Variants in INPP5D observed in about 807,000 individuals in gnomAD.
INPP5D encodes the protein inositol polyphosphate-5-phosphatase D, also known as phosphatidylinositol 3,4,5-trisphosphate 5-phosphatase 1.
In INPP5D, 33 loss-of-function variants were observed where a neutral mutation model predicts 122.9. That is an observed-to-expected ratio of 0.27 (90% CI 0.20 to 0.36). The LOEUF (loss-of-function observed/expected upper bound fraction) is 0.36, where lower values mean the gene tolerates loss of function less well. Among genes scored for constraint, INPP5D ranks in the 10% least tolerant of loss-of-function variants. The pLI, the probability that INPP5D is intolerant of heterozygous loss-of-function variation, is 1.00. For synonymous variants in INPP5D, 584 were observed against 576.2 expected (o/e 1.01, Z -0.19); for missense variants, 1,053 against 1,412.7 (o/e 0.75, Z 4.08).
At chr2:233,127,914 A>G (rs1693210758) in intron 4 of INPP5D, among the ~76,000 whole-genome samples, 1 of 152,184 alleles carries the variant, frequency 6.6e-6, no homozygotes, top group African/African-American at 2.4e-5. Context: ...AGCCTACCAC[A>G]AACATTTTAA....
rs141495311 is a variant in INPP5D, at chr2:233,095,248, T to A, written c.198+15850T>A. 4.6e-5 allele frequency among the ~76,000 whole-genome samples: 7 copies of A among 152,340 alleles called. No individual in the cohort carries two copies. The East Asian group carries it at 1.3e-3, about 29-fold the overall frequency. On this transcript the variant is annotated intron_variant, in intron 2 of 26. Transcript: ENST00000445964. ...AAGGGATAGATTATATACACAAGAT[T>A]GCACATACATAAGAGTGTTGAGATA...
rs1443445489 is a variant in INPP5D at position 233,100,069 on chromosome 2, G to A, written c.198+20671G>A. Among the ~76,000 whole-genome samples, 7 of 152,184 alleles carry A rather than the reference G, an allele frequency of 4.6e-5. No homozygotes were observed. Among genetic ancestry groups the A allele is most frequent in the South Asian group, 4.1e-4 (2 of 4,820 alleles). The stretch of plus-strand genomic sequence containing the variant: ...TCACCTCCCACCGGGTTCCTCCCAC[G>A]ACACGTGGGAATTGTGGGAGTTACA... On this transcript the variant is annotated intron_variant, in intron 2 of 26. Coordinates refer to ENST00000445964, the MANE Select transcript of INPP5D (RefSeq NM_001017915.3). The surrounding 1 kb of genome is among the most constrained non-coding windows in gnomAD (Gnocchi z 5.3).
chr2:233,204,321 G>GCCCAGCATC lies in INPP5D; in HGVS notation c.3172_3180dup (p.Pro1058_Ile1060dup). 1 of 1,611,670 alleles carries GCCCAGCATC rather than the reference G, an allele frequency of 6.2e-7. No homozygotes were observed. Among genetic ancestry groups the GCCCAGCATC allele is most frequent in the African/African-American group, 1.3e-5 (1 of 75,030 alleles). ...CCTGCCCGGAACCCGGCATCTTGTC[G>GCCCAGCATC]CCCAGCATCGTGCTCACCAAAGCCC... is the stretch of plus-strand genomic sequence containing the variant. On this transcript the variant is annotated inframe_insertion, in exon 26 of 27. Transcript: ENST00000445964.
At chr2:233,097,379 A>G (rs4973606) in intron 2 of INPP5D, among the ~76,000 whole-genome samples, 107,195 of 152,080 alleles carry the variant, frequency 0.7, 37,997 homozygotes, top group Middle Eastern at 0.8. Flanking sequence ...AATCCCAGTT[A>G]GAATTTTGTG....
chr2:233,146,072 G>A (rs978630117), intron 6 of INPP5D, 90 bp from the exon 7 acceptor site: 2 of 703,904 alleles, frequency 2.8e-6, no homozygotes, highest in Non-Finnish European at 5.2e-6. Flanking sequence ...AGGCTGGAAT[G>A]GGGTGAGGTG....
At chr2:233,173,164 G>A (rs552100727) in intron 17 of INPP5D, among the ~76,000 whole-genome samples, 4 of 151,038 alleles carry the variant, frequency 2.6e-5, no homozygotes, top group East Asian at 1.9e-4. Flanking sequence ...AGCCGAGATC[G>A]CGCCATTGCA....
intron 2 of INPP5D, among the ~76,000 whole-genome samples, chr2:233,089,831 G>A (rs1691945217): frequency 6.6e-6 from 1 of 152,214 alleles, no homozygotes; most frequent in Non-Finnish European, 1.5e-5. Context: ...ATTAGACTCT[G>A]AACCCCAGAT....
chr2:233,167,876 G>C (rs1412734807), intron 13 of INPP5D, among the ~76,000 whole-genome samples: 2 of 151,712 alleles, frequency 1.3e-5, no homozygotes, highest in African/African-American at 2.4e-5. Context: ...GTGGTGGTGG[G>C]TGCCTGTAGT....
chr2:233,061,084 T>C (rs1456671944), intron 1 of INPP5D, among the ~76,000 whole-genome samples: 1 of 152,112 alleles, frequency 6.6e-6, no homozygotes, highest in East Asian at 1.9e-4. Flanking sequence ...GCCAAGAATA[T>C]GGGGTGAGTT....
chr2:233,142,801 C>T (rs1439324262), intron 6 of INPP5D, among the ~76,000 whole-genome samples: 1 of 152,126 alleles, frequency 6.6e-6, no homozygotes, highest in African/African-American at 2.4e-5. Flanking sequence ...GACCAGTCTA[C>T]CCTTTAACAG....
At chr2:233,072,669 T>TC (rs1325158172) in intron 1 of INPP5D, among the ~76,000 whole-genome samples, 1 of 152,264 alleles carries the variant, frequency 6.6e-6, no homozygotes, top group Non-Finnish European at 1.5e-5. Flanking sequence ...GTTTTCTATT[T>TC]CCTCCCATGT....
In INPP5D at chr2:233,204,661, G is replaced by A. The variant is rs1228034383; in HGVS notation, c.3511G>A (p.Gly1171Ser). Residue 1171 changes from glycine to serine, a missense_variant, in exon 26 of 27, where the codon GGC becomes AGC. This residue lies in a region of INPP5D where 417 missense variants were observed against 425.8 expected (regional missense o/e 0.98). Transcript: ENST00000445964. ...CGACAACACCGAGCTCCCGCATCAC[G>A]GCAAGCACCGGCCGGAGGAGGGGCC... ...YRDNTELPHH[G>S]KHRPEEGPPG... 9 of 1,577,896 alleles carry A rather than the reference G, an allele frequency of 5.7e-6. No individual in the cohort carries two copies. In the Admixed American group the frequency reaches 1.2e-4, roughly 22 times the overall value.
At position 233,204,206 on chromosome 2, in the gene INPP5D, A is replaced by G; in HGVS notation, c.3056A>G (p.Asn1019Ser). 6.2e-7 allele frequency: 1 copy of G among 1,612,402 alleles called. No homozygotes were observed. The highest frequency in any genetic ancestry group is 8.5e-7 in the Non-Finnish European group (1 of 1,179,480). ...CTGACGAAGCCCGAGATGTTTGAGA[A>G]CCCCCTGTATGGGTCCCTGAGTTCC... ...LPLTKPEMFE[N>S]PLYGSLSSFP... is the part of the protein sequence containing the mutation. Residue 1019 changes from asparagine to serine, a missense_variant, in exon 26 of 27, where the codon AAC (asparagine) becomes AGC (serine). By Grantham distance (46) the Asn-to-Ser change is conservative. Transcript: ENST00000445964.
chr2:233,071,203 T>G (rs1691377106), intron 1 of INPP5D, among the ~76,000 whole-genome samples: 1 of 152,012 alleles, frequency 6.6e-6, no homozygotes, highest in Non-Finnish European at 1.5e-5. Context: ...GTGGGAGAAT[T>G]GTTAGAACCC....
intron 9 of INPP5D, among the ~76,000 whole-genome samples, chr2:233,152,352 T>C (rs1693943868): frequency 6.6e-6 from 1 of 152,170 alleles, no homozygotes; most frequent in Non-Finnish European, 1.5e-5. Flanking sequence ...CTTCTACACA[T>C]AGGAACAGCC....
chr2:233,075,329 A>G (rs1691491317), intron 1 of INPP5D, among the ~76,000 whole-genome samples: 1 of 152,214 alleles, frequency 6.6e-6, no homozygotes, highest in South Asian at 2.1e-4. Context: ...GCTGAGAGCC[A>G]GTGTTAGCGT....
At chr2:233,064,490 A>G (rs1691157276) in intron 1 of INPP5D, among the ~76,000 whole-genome samples, 1 of 152,246 alleles carries the variant, frequency 6.6e-6, no homozygotes, top group South Asian at 2.1e-4. Flanking sequence ...AACAGCAGGC[A>G]ACTTCCAAAG....
rs1695492671 is a variant in INPP5D, at chr2:233,206,061, AGAGT to A, written c.3568-641_3568-638del. On this transcript the variant is annotated intron_variant, in intron 26 of 26. Transcript: ENST00000445964. The surrounding 1 kb of genome is among the most constrained non-coding windows in gnomAD (Gnocchi z 4.0). The stretch of plus-strand genomic sequence containing the variant: ...AACACTGCACTCCAGCCTGGGCGAC[AGAGT>A]GAGACTCCATCTCAAAAAAGAGAAC... Among the ~76,000 whole-genome samples the A allele has an allele frequency of 6.6e-6, 1 of 152,170 alleles. No homozygotes were observed. The highest frequency in any genetic ancestry group is 2.4e-5 in the African/African-American group (1 of 41,424).
chr2:233,168,093 A>C (rs1212913106), intron 13 of INPP5D, among the ~76,000 whole-genome samples: 1 of 152,078 alleles, frequency 6.6e-6, no homozygotes, highest in Non-Finnish European at 1.5e-5. Context: ...TATGATCAAA[A>C]TAGATTACAA....
Sources: allele counts gnomAD v4.1 joint callset (sites outside exome capture counted in the v4.1 genomes callset), GRCh38; gene constraint gnomAD v4.1.1; regional missense constraint gnomAD v4.1.1; non-coding constraint Gnocchi (gnomAD v3.1); transcripts MANE v1.5; gene names NCBI Gene and HGNC (gene_info 2026-07-23, HGNC 2026-07-21).